The following PRTG variants were observed in gnomAD, a reference collection of about 807,000 sequenced individuals.
PRTG encodes immunoglobulin superfamily, DCC subclass, member 5.
PRTG carries 67 observed loss-of-function variants against 122.5 expected under a neutral mutation model. The observed-to-expected ratio is 0.55, with a 90% CI of 0.45 to 0.67. The LOEUF is 0.67. Among genes scored for constraint, PRTG ranks in the 30% least tolerant of loss-of-function variants. PRTG has a pLI of 0.00. For missense variants in PRTG, 1,435 were observed against 1,415.4 expected (o/e 1.01, Z -0.22); for synonymous variants, 554 against 501.1 (o/e 1.11, Z -1.41).
intron 2 of PRTG, among the ~76,000 whole-genome samples, chr15:55,734,686 C>T (rs2031353770): frequency 6.6e-6 from 1 of 151,876 alleles, no homozygotes; most frequent in South Asian, 2.1e-4. Flanking sequence ...ATGCCTTCTG[C>T]TCAGTCTATA....
intron 2 of PRTG, among the ~76,000 whole-genome samples, chr15:55,690,652 T>A (rs983275663): frequency 1.1e-4 from 16 of 151,214 alleles, no homozygotes; most frequent in Non-Finnish European, 2.1e-4. Context: ...TTACAAAATT[T>A]AAAAAAAAAT....
At chr15:55,682,329 C>A (rs199886528) in intron 4 of PRTG, 35 bp downstream of exon 4, 4 of 1,511,746 alleles carry the variant, frequency 2.6e-6, no homozygotes, top group Non-Finnish European at 3.6e-6. Flanking sequence ...GCCAATAAAA[C>A]GTCATAAAAA....
intron 2 of PRTG, among the ~76,000 whole-genome samples, chr15:55,694,189 T>G (rs536690928): frequency 3.9e-4 from 60 of 152,312 alleles, no homozygotes; most frequent in Non-Finnish European, 6.2e-4. Flanking sequence ...GGCAGGATTA[T>G]GTATGGTGAT....
In PRTG at chr15:55,617,749, G is replaced by A. The variant is rs1044006804; in HGVS notation, c.*2263C>T. On this transcript the variant is annotated 3_prime_UTR_variant, in exon 20 of 20. Transcript: ENST00000389286. ...TCTTTTTAGCCATTTAAAACCACTC[G>A]AATTCATGTAGTCCTAGACACATCT... 2.6e-5 allele frequency: 4 copies of A among 152,044 alleles called. No individual in the cohort carries two copies. Among genetic ancestry groups the A allele is most frequent in the East Asian group, 1.9e-4 (1 of 5,202 alleles). The allele number at this position is 152,044 out of a possible 1,614,324, so 9.4% of individuals were successfully genotyped here. A position where few individuals can be genotyped will look rare whatever the true frequency, so the allele number is the denominator to read the frequency against.
chr15:55,624,602 C>T, intron 17 of PRTG, 95 bp from the exon 18 acceptor site: 2 of 961,902 alleles, frequency 2.1e-6, no homozygotes, highest in Non-Finnish European at 3.0e-6. Flanking sequence ...GTAAGCAATG[C>T]AGTTCTTTAA....
chr15:55,637,537 C>T lies in PRTG; in HGVS notation c.2453-197G>A, dbSNP rs571186055. ...TTTTCATAATACTCAAACATTAAAA[C>T]ACATTAGATTCCTAGATGGAGAATC... On this transcript the variant is annotated intron_variant, in intron 14 of 19. Coordinates refer to ENST00000389286, the MANE Select transcript of PRTG (RefSeq NM_173814.6). Among the ~76,000 whole-genome samples, 461 of 152,256 alleles carry T rather than the reference C, an allele frequency of 3.0e-3. 2 individuals carry two copies. The highest frequency in any genetic ancestry group is 0.011 in the African/African-American group (440 of 41,560).
In PRTG at chr15:55,742,860, C is replaced by T. The variant is rs1441113906; in HGVS notation, c.72G>A (p.Leu24=). The T allele has an allele frequency of 2.0e-6, 3 of 1,537,398 alleles. No homozygotes were observed. Among genetic ancestry groups the T allele is most frequent in the Non-Finnish European group, 2.6e-6 (3 of 1,140,878 alleles). The change falls in exon 1 of 20, where the codon CTG becomes CTA. Residue 24 remains leucine, a synonymous_variant. Transcript: ENST00000389286. ...CACCTGGCAAAGGACTGAGCAGCAG[C>T]AGGAGCAGGAGCGCGCGGAGCAGCA... ...PGMLLRALLL[L]LLLSPLPGVW...
At chr15:55,675,433 A>G (rs2059497080) in intron 9 of PRTG, 86 bp downstream of exon 9, 1 of 988,050 alleles carries the variant, frequency 1.0e-6, no homozygotes, top group Admixed American at 2.5e-5. Flanking sequence ...AAAAGAGGAT[A>G]TTTTCTTTAA....
Position 55,614,411 on chromosome 15 carries a change from G to C in PRTG, c.*5601C>G, listed in dbSNP as rs1225560759. 6.6e-6 allele frequency: 1 copy of C among 152,106 alleles called. No individual in the cohort carries two copies. Among genetic ancestry groups the C allele is most frequent in the Non-Finnish European group, 1.5e-5 (1 of 67,974 alleles). 9.4% of individuals were successfully genotyped at this position (152,106 alleles called of 1,614,324 possible). A position where few individuals can be genotyped will look rare whatever the true frequency, so the allele number is the denominator to read the frequency against. ...AAGAGAGGAACCAGATTTAAAGGCA[G>C]AAAGTTGTGAATGTTGTGAATATGT... On this transcript the variant is annotated 3_prime_UTR_variant, in exon 20 of 20. Coordinates refer to ENST00000389286, the MANE Select transcript of PRTG (RefSeq NM_173814.6).
In PRTG at chr15:55,619,946, GACACAGCAGGGTCTTC is replaced by G; in HGVS notation, c.*50_*65del. On this transcript the variant is annotated 3_prime_UTR_variant, in exon 20 of 20. Transcript: ENST00000389286. ...GGAGGAAGTCTGCTCACTAACAGAT[GACACAGCAGGGTCTTC>G]ACACTTCCTCAATGCGGAATCTCCA... The G allele has an allele frequency of 6.3e-7, 1 of 1,588,598 alleles. No individual in the cohort carries two copies. The highest frequency in any genetic ancestry group is 8.6e-7 in the Non-Finnish European group (1 of 1,167,258).
intron 2 of PRTG, among the ~76,000 whole-genome samples, chr15:55,706,672 G>GT (rs1356342113): frequency 2.0e-5 from 3 of 151,532 alleles, no homozygotes; most frequent in Non-Finnish European, 4.4e-5. Context: ...AAGTTGAGGT[G>GT]TAAGGATGAC....
chr15:55,683,821 A>C lies in PRTG; in HGVS notation c.508T>G (p.Phe170Val), dbSNP rs775597192. ...GTCATAGGTAGAGTTGTCCGATTGA[A>C]CTCCCATGTTATGACTGCAGGAGGG... is the stretch of plus-strand genomic sequence containing the variant. ...SHPPAVITWE[F>V]NRTTLPMTMD... Residue 170 changes from phenylalanine (F) to valine (V), a missense_variant, in exon 3 of 20, where the codon TTC (phenylalanine) becomes GTC (valine). Phe to Val is a conservative substitution (Grantham distance 50, BLOSUM62 -1). Transcript: ENST00000389286. 25 of 1,613,688 alleles carry C rather than the reference A, an allele frequency of 1.5e-5. No homozygotes were observed. In the African/African-American group the frequency reaches 2.9e-4, roughly 19 times the overall value.
chr15:55,629,798 GAATATA>G (rs1428526983), intron 15 of PRTG, among the ~76,000 whole-genome samples: 6 of 77,586 alleles, frequency 7.7e-5, no homozygotes, highest in Non-Finnish European at 1.2e-4. Context: ...TTGAAAGCAT[GAATATA>G]TTTTTACTGG....
intron 11 of PRTG, chr15:55,656,217 C>T (rs147963307): frequency 4.8e-5 from 17 of 352,088 alleles, no homozygotes; most frequent in South Asian, 2.9e-4. Context: ...CAGGATTACA[C>T]GCTCCACATC....
At chr15:55,637,606 C>T (rs1595609753) in intron 14 of PRTG, among the ~76,000 whole-genome samples, 1 of 152,070 alleles carries the variant, frequency 6.6e-6, no homozygotes, top group East Asian at 1.9e-4. Context: ...AAACGTTTTG[C>T]TAAATTGCTA....
chr15:55,714,224 TCTCTCTCTCA>T (rs1299014539), intron 2 of PRTG, among the ~76,000 whole-genome samples: 10 of 151,738 alleles, frequency 6.6e-5, no homozygotes, highest in Admixed American at 6.6e-5. Context: ...TCTCTCTCTC[TCTCTCTCTCA>T]ATCTTTCTAT....
Position 55,628,802 on chromosome 15 carries a change from G to A in PRTG, c.2806+20C>T. 13 of 1,577,770 alleles carry A rather than the reference G, an allele frequency of 8.2e-6. No individual in the cohort carries two copies. The highest frequency in any genetic ancestry group is 1.0e-5 in the Non-Finnish European group (12 of 1,159,666). The stretch of plus-strand genomic sequence containing the variant: ...TTTTTTTCTTAAGAAAAATCACAGT[G>A]ACTACGGCAGTATACAGACCTTTGG... On this transcript the variant is annotated intron_variant, in intron 16 of 19. Transcript: ENST00000389286.
rs2029948980 is a variant in PRTG at position 55,702,967 on chromosome 15, T to C, written c.398-19036A>G. 1.2e-5 allele frequency: 12 copies of C among 976,444 alleles called. No homozygotes were observed. In the South Asian group the frequency reaches 4.7e-4, roughly 39 times the overall value. 60.5% of individuals were successfully genotyped at this position (976,444 alleles called of 1,614,324 possible). On this transcript the variant is annotated intron_variant, in intron 2 of 19. Coordinates refer to ENST00000389286, the MANE Select transcript of PRTG (RefSeq NM_173814.6). ...CCGGGGTCCCCTGACATTCTAAACC[T>C]ATCTTGGGAATTCTCATAATATTCA...
At chr15:55,669,095 G>C (rs949784541) in intron 11 of PRTG, among the ~76,000 whole-genome samples, 1 of 151,262 alleles carries the variant, frequency 6.6e-6, no homozygotes, top group African/African-American at 2.4e-5. Flanking sequence ...CAGAAACAAA[G>C]AACTGTGTGT....
Sources: gnomAD v4.1 joint callset for allele counts (sites outside exome capture counted in the v4.1 genomes callset) on GRCh38, gnomAD v4.1.1 for gene constraint, MANE v1.5 for transcripts, NCBI Gene and HGNC (gene_info 2026-07-23, HGNC 2026-07-21) for gene names.